Variants in ZC3H3 observed in about 807,000 individuals in gnomAD.
ZC3H3 encodes the protein zinc finger CCCH-type containing 3.
Under a neutral mutation model 77.3 loss-of-function variants are expected in ZC3H3, and 36 were observed. The ratio of observed to expected loss-of-function variants is 0.47; its 90% CI spans 0.36 to 0.61. ZC3H3 has a LOEUF of 0.61. Among genes scored for constraint, ZC3H3 ranks in the 20% least tolerant of loss-of-function variants. The pLI is 0.00. For synonymous variants in ZC3H3, 626 were observed against 555.2 expected (o/e 1.13, Z -1.79); for missense variants, 1,331 against 1,312.2 (o/e 1.01, Z -0.22).
chr8:143,529,877 A>G (rs967274779), intron 3 of ZC3H3, among the ~76,000 whole-genome samples: 3 of 152,200 alleles, frequency 2.0e-5, no homozygotes, highest in African/African-American at 7.2e-5. Context: ...CCAGGCCCCA[A>G]AAGAGTCACC....
chr8:143,437,993 C>A lies in ZC3H3; in HGVS notation c.*63G>T. 6.3e-7 allele frequency: 1 copy of A among 1,576,314 alleles called. No individual in the cohort carries two copies. The highest frequency in any genetic ancestry group is 2.3e-5 in the East Asian group (1 of 43,206). On this transcript the variant is annotated 3_prime_UTR_variant, in exon 12 of 12. Coordinates refer to ENST00000262577, the MANE Select transcript of ZC3H3 (RefSeq NM_015117.3). ...CCCTCCTGTGGGGTAGAGTGGTGGACAGAGCCTCTTTCCTCTCCAAGGATG... is the reference window on the plus strand; with the variant it reads ...CCCTCCTGTGGGGTAGAGTGGTGGAAAGAGCCTCTTTCCTCTCCAAGGATG...
chr8:143,521,329 G>C (rs1822235892), intron 3 of ZC3H3, among the ~76,000 whole-genome samples: 1 of 152,104 alleles, frequency 6.6e-6, no homozygotes, highest in Non-Finnish European at 1.5e-5. Context: ...AGTCTGAAGG[G>C]ACTGACCCCA....
chr8:143,514,145 G>A (rs1821957566), intron 3 of ZC3H3, among the ~76,000 whole-genome samples: 2 of 152,188 alleles, frequency 1.3e-5, no homozygotes, highest in East Asian at 1.9e-4. Flanking sequence ...CCAAGAAGGG[G>A]TAGGCAGACC....
chr8:143,536,473 G>A lies in ZC3H3; in HGVS notation c.1365-20C>T. On this transcript the variant is annotated intron_variant, in intron 2 of 11. Coordinates refer to ENST00000262577, the MANE Select transcript of ZC3H3 (RefSeq NM_015117.3). ...GGAAGGCTGTGGAGACAAAATACAG[G>A]CAGCTCTCAACAAGCCCTGGGGGTT... 1.4e-6 allele frequency: 2 copies of A among 1,478,852 alleles called. No homozygotes were observed. The highest frequency in any genetic ancestry group is 2.7e-5 in the South Asian group (2 of 74,108). The allele number at this position is 1,478,852 out of a possible 1,614,324, so 91.6% of individuals were successfully genotyped here. A position where few individuals can be genotyped will look rare whatever the true frequency, so the allele number is the denominator to read the frequency against.
intron 4 of ZC3H3, among the ~76,000 whole-genome samples, chr8:143,482,471 A>C: frequency 6.6e-6 from 1 of 152,138 alleles, no homozygotes; most frequent in East Asian, 1.9e-4. Flanking sequence ...AAGAGGTCCT[A>C]AGGGAGGAGT....
Position 143,440,207 on chromosome 8 carries a change from G to T in ZC3H3, c.2649C>A (p.Pro883=), listed in dbSNP as rs375853496. The part of the protein sequence containing the change: ...SSSSSSSSSP[P]ASLDHEAPSL... ...ATGGTGCCTCGTGGTCCAAGGAAGC[G>T]GGAGGGGATGAGGAGGAGGAGGAGG... The change falls in exon 11 of 12, where the codon CCC becomes CCA. Residue 883 remains proline, a synonymous_variant. Transcript: ENST00000262577. The T allele has an allele frequency of 6.2e-7, 1 of 1,610,024 alleles. No individual in the cohort carries two copies. Among genetic ancestry groups the T allele is most frequent in the African/African-American group, 1.3e-5 (1 of 74,830 alleles).
chr8:143,489,425 G>C (rs576271858), intron 4 of ZC3H3, among the ~76,000 whole-genome samples: 1 of 152,260 alleles, frequency 6.6e-6, no homozygotes, highest in South Asian at 2.1e-4. Flanking sequence ...CCTTTGGGGG[G>C]ATGCGCCCTC....
intron 4 of ZC3H3, among the ~76,000 whole-genome samples, chr8:143,490,952 C>T (rs368744703): frequency 8.5e-5 from 13 of 152,330 alleles, no homozygotes; most frequent in Middle Eastern, 3.4e-3. Flanking sequence ...TGATACTTTA[C>T]GACCACCTCT....
At chr8:143,458,073 T>A (rs1421555401) in intron 9 of ZC3H3, among the ~76,000 whole-genome samples, 2 of 152,006 alleles carry the variant, frequency 1.3e-5, no homozygotes, top group East Asian at 3.9e-4. Flanking sequence ...GATCAATAAA[T>A]TGACAAACCT....
intron 4 of ZC3H3, among the ~76,000 whole-genome samples, chr8:143,482,213 G>A (rs1000779962): frequency 2.1e-4 from 32 of 152,206 alleles, no homozygotes; most frequent in African/African-American, 4.8e-4. Flanking sequence ...CCCTCCTGGC[G>A]CCAGGTCTTT....
intron 9 of ZC3H3, among the ~76,000 whole-genome samples, chr8:143,442,370 C>T (rs565283477): frequency 2.7e-4 from 37 of 138,160 alleles, no homozygotes; most frequent in African/African-American, 9.2e-4. Context: ...GAGAGATGCC[C>T]GGTCCTGCAG....
intron 4 of ZC3H3, among the ~76,000 whole-genome samples, chr8:143,504,364 A>G (rs1821624289): frequency 6.6e-6 from 1 of 152,214 alleles, no homozygotes. Context: ...ACAGGGTCAG[A>G]GAGAGGACAA....
chr8:143,537,899 C>T lies in ZC3H3; in HGVS notation c.1364+104G>A, dbSNP rs949151827. ...CCTCATTTCTTGCTGGAAATGTGAA[C>T]GCAACTGCAGGCAAAGCTCCGAGCT... On this transcript the variant is annotated intron_variant, in intron 2 of 11. Coordinates refer to ENST00000262577, the MANE Select transcript of ZC3H3 (RefSeq NM_015117.3). 67 of 1,186,416 alleles carry T rather than the reference C, an allele frequency of 5.6e-5. No homozygotes were observed. The Admixed American group carries it at 1.3e-3, about 23-fold the overall frequency. The allele number at this position is 1,186,416 out of a possible 1,614,324, so 73.5% of individuals were successfully genotyped here. A position where few individuals can be genotyped will look rare whatever the true frequency, so the allele number is the denominator to read the frequency against.
chr8:143,471,890 C>T lies in ZC3H3; in HGVS notation c.1904-3231G>A, dbSNP rs767141768. Among the ~76,000 whole-genome samples, 93 of 152,258 alleles carry T rather than the reference C, an allele frequency of 6.1e-4. 1 individual carries two copies. Among genetic ancestry groups the T allele is most frequent in the Non-Finnish European group, 1.1e-3 (73 of 68,046 alleles). ...GTCAGCGGTATCCCACAGCTGGGAG[C>T]CATCTACCTTCCTCATGGCGAGGCG... On this transcript the variant is annotated intron_variant, in intron 5 of 11. Coordinates refer to ENST00000262577, the MANE Select transcript of ZC3H3 (RefSeq NM_015117.3).
chr8:143,491,183 C>T (rs980586908), intron 4 of ZC3H3, among the ~76,000 whole-genome samples: 8 of 152,178 alleles, frequency 5.3e-5, no homozygotes, highest in Non-Finnish European at 8.8e-5. Flanking sequence ...CCGCCCTCCC[C>T]GGCCTGAGGG....
intron 9 of ZC3H3, among the ~76,000 whole-genome samples, chr8:143,456,015 C>T (rs920041038): frequency 2.9e-5 from 4 of 138,270 alleles, no homozygotes; most frequent in African/African-American, 8.1e-5. Context: ...CTTAAAAAAG[C>T]GTTTGATTTG....
intron 9 of ZC3H3, among the ~76,000 whole-genome samples, chr8:143,461,665 G>A (rs1159882512): frequency 6.6e-6 from 1 of 152,140 alleles, no homozygotes; most frequent in South Asian, 2.1e-4. Context: ...ATAAAAACGG[G>A]TGCAGCGCTG....
At chr8:143,450,497 T>C (rs1198880057) in intron 9 of ZC3H3, among the ~76,000 whole-genome samples, 1 of 152,112 alleles carries the variant, frequency 6.6e-6, no homozygotes, top group Non-Finnish European at 1.5e-5. Context: ...GGGTAATTTA[T>C]GAAGATAAGA....
At position 143,525,799 on chromosome 8, in the gene ZC3H3, G is replaced by A. The variant is rs116078700; in HGVS notation, c.1561+10458C>T. On this transcript the variant is annotated intron_variant, in intron 3 of 11. Transcript: ENST00000262577. ...CCATTCACTGAAGCAGTTCTGTACCGAGGGACAGGATGGGACAGGAGGACA... is the reference window on the plus strand; with the variant it reads ...CCATTCACTGAAGCAGTTCTGTACCAAGGGACAGGATGGGACAGGAGGACA... Among the ~76,000 whole-genome samples the A allele has an allele frequency of 4.2e-3, 635 of 152,376 alleles. 5 individuals carry two copies. Among genetic ancestry groups the A allele is most frequent in the African/African-American group, 0.014 (567 of 41,584 alleles).
Sources: gnomAD v4.1 joint callset for allele counts (sites outside exome capture counted in the v4.1 genomes callset) on GRCh38, gnomAD v4.1.1 for gene constraint, MANE v1.5 for transcripts, NCBI Gene and HGNC (gene_info 2026-07-23, HGNC 2026-07-21) for gene names.